The following SCG5 variants were observed in gnomAD, a reference collection of about 807,000 sequenced individuals.
SCG5 encodes neuroendocrine protein 7B2.
A neutral mutation model predicts 25.7 loss-of-function variants in SCG5; 18 were observed. The observed-to-expected ratio is 0.70, with a 90% CI of 0.48 to 1.04. The LOEUF (loss-of-function observed/expected upper bound fraction) is 1.04, where lower values mean the gene tolerates loss of function less well. Among genes scored for constraint, SCG5 ranks in the 50% least tolerant of loss-of-function variants. SCG5 has a pLI of 0.00. For synonymous variants in SCG5, 101 were observed against 91.7 expected (o/e 1.10, Z -0.58); for missense variants, 206 against 259.8 (o/e 0.79, Z 1.42).
intron 2 of SCG5, among the ~76,000 whole-genome samples, chr15:32,671,253 A>G (rs879640600): frequency 5.3e-5 from 8 of 152,354 alleles, no homozygotes; most frequent in Middle Eastern, 3.4e-3. Context: ...TTTGCTTTTC[A>G]TAAATAGGTT....
At chr15:32,675,022 A>G (rs1329674505) in intron 2 of SCG5, among the ~76,000 whole-genome samples, 1 of 152,234 alleles carries the variant, frequency 6.6e-6, no homozygotes, top group Non-Finnish European at 1.5e-5. Context: ...CAATGATTTG[A>G]TATCTAGAGC....
At chr15:32,675,983 T>G (rs774501040) in intron 2 of SCG5, among the ~76,000 whole-genome samples, 87 of 152,248 alleles carry the variant, frequency 5.7e-4, no homozygotes, top group Non-Finnish European at 1.1e-3. Flanking sequence ...AGCATCATAT[T>G]ATTTTGTTTG....
At chr15:32,657,026 G>T (rs191338705) in intron 2 of SCG5, among the ~76,000 whole-genome samples, 3 of 150,734 alleles carry the variant, frequency 2.0e-5, no homozygotes, top group Non-Finnish European at 4.4e-5. Context: ...CTTCAGTTCC[G>T]CAAAGTTTAG....
chr15:32,646,955 A>C (rs1257544153), intron 2 of SCG5, among the ~76,000 whole-genome samples: 1 of 152,252 alleles, frequency 6.6e-6, no homozygotes, highest in Non-Finnish European at 1.5e-5. Context: ...AAGAATATAC[A>C]TAATATATTA....
At chr15:32,688,958 CA>C (rs778404784) in intron 4 of SCG5, among the ~76,000 whole-genome samples, 13 of 46,410 alleles carry the variant, frequency 2.8e-4, no homozygotes, top group Admixed American at 5.2e-4. Context: ...GACTCCGTCT[CA>C]AAAAAAAAAA....
Position 32,657,209 on chromosome 15 carries a change from A to ATATATATATATATATATGTATGTATG in SCG5, c.226+13394_226+13395insATATATATATATATGTATGTATGTAT. 6.2e-4 allele frequency among the ~76,000 whole-genome samples: 24 copies of ATATATATATATATATATGTATGTATG among 38,744 alleles called. 4 individuals carry two copies. Among genetic ancestry groups the ATATATATATATATATATGTATGTATG allele is most frequent in the African/African-American group, 1.3e-3 (23 of 17,332 alleles). 25.4% of individuals were successfully genotyped at this position (38,744 alleles called of 152,430 possible). ...TTCTTTCATCCTCCTGTATATATAT[A>ATATATATATATATATATGTATGTATG]TATGTATGTATTTCCAGGTGTAAGT... On this transcript the variant is annotated intron_variant, in intron 2 of 5. Transcript: ENST00000300175.
intron 2 of SCG5, among the ~76,000 whole-genome samples, chr15:32,657,258 A>G (rs6494564): frequency 0.2 from 20,544 of 100,754 alleles, 2,508 homozygotes; most frequent in South Asian, 0.27. Flanking sequence ...GAAGATAGTC[A>G]TATCTTTCAA....
In SCG5 at chr15:32,663,033, A is replaced by G. The variant is rs1326234633; in HGVS notation, c.227-16733A>G. On this transcript the variant is annotated intron_variant, in intron 2 of 5. Coordinates refer to ENST00000300175, the MANE Select transcript of SCG5 (RefSeq NM_001144757.3). ...AGATTAGGGCTGTTAAAAAAAAAGA[A>G]TATATATATATATATATATATATAT... Among the ~76,000 whole-genome samples, 8 of 1,874 alleles carry G rather than the reference A, an allele frequency of 4.3e-3. No individual in the cohort carries two copies. In the South Asian group the frequency reaches 0.12, roughly 28 times the overall value. 1.2% of individuals were successfully genotyped at this position (1,874 alleles called of 152,430 possible). A position where few individuals can be genotyped will look rare whatever the true frequency, so the allele number is the denominator to read the frequency against.
chr15:32,694,911 T>C (rs2054926960), intron 5 of SCG5, among the ~76,000 whole-genome samples: 1 of 152,248 alleles, frequency 6.6e-6, no homozygotes, highest in South Asian at 2.1e-4. Context: ...GGTTATTTCA[T>C]GGGCAAGAGA....
intron 2 of SCG5, among the ~76,000 whole-genome samples, chr15:32,648,716 G>A (rs1476700206): frequency 6.6e-6 from 1 of 151,506 alleles, no homozygotes; most frequent in African/African-American, 2.4e-5. Context: ...CTCAGAGAGG[G>A]CTGCCTGACT....
intron 2 of SCG5, among the ~76,000 whole-genome samples, chr15:32,671,931 C>G (rs1485496694): frequency 6.6e-6 from 1 of 152,208 alleles, no homozygotes; most frequent in African/African-American, 2.4e-5. Context: ...CACCTTCTCT[C>G]CTGGTCTCCT....
At chr15:32,656,970 G>T (rs996748632) in intron 2 of SCG5, among the ~76,000 whole-genome samples, 1 of 151,220 alleles carries the variant, frequency 6.6e-6, no homozygotes, top group South Asian at 2.1e-4. Context: ...GATGCCCAGG[G>T]GTTCTAGTCC....
chr15:32,672,242 G>T (rs191447096), intron 2 of SCG5, among the ~76,000 whole-genome samples: 311 of 152,342 alleles, frequency 2.0e-3, no homozygotes, highest in African/African-American at 7.3e-3. Flanking sequence ...CTTTTTACGA[G>T]GTGGGCGACT....
At chr15:32,679,200 T>C (rs1429959827) in intron 2 of SCG5, among the ~76,000 whole-genome samples, 1 of 151,900 alleles carries the variant, frequency 6.6e-6, no homozygotes, top group Non-Finnish European at 1.5e-5. Context: ...GCTCTTTTTT[T>C]TTTTCTTTTT....
intron 4 of SCG5, among the ~76,000 whole-genome samples, chr15:32,691,339 A>T (rs1481358464): frequency 6.6e-6 from 1 of 152,252 alleles, no homozygotes; most frequent in East Asian, 1.9e-4. Context: ...AGAGCAGTTT[A>T]TAAAAAGGGA....
Sources: allele counts gnomAD v4.1 joint callset (sites outside exome capture counted in the v4.1 genomes callset), GRCh38; gene constraint gnomAD v4.1.1; transcripts MANE v1.5; gene names NCBI Gene and HGNC (gene_info 2026-07-23, HGNC 2026-07-21).